The following SLC26A8 variants were observed in gnomAD, a reference collection of about 807,000 sequenced individuals.
The protein encoded by SLC26A8 is solute carrier family 26 member 8.
A neutral mutation model predicts 105.0 loss-of-function variants in SLC26A8; 70 were observed. The observed-to-expected ratio is 0.67, with a 90% CI of 0.55 to 0.81. The LOEUF is 0.81. SLC26A8 is among the 40% of genes least tolerant of loss of function. The probability of loss-of-function intolerance (pLI) is 0.00; values close to 1 mark genes in which losing one functional copy is unlikely to be tolerated. For missense variants in SLC26A8, 998 were observed against 1,181.8 expected (o/e 0.84, Z 2.28); for synonymous variants, 415 against 438.3 (o/e 0.95, Z 0.66).
intron 19 of SLC26A8, among the ~76,000 whole-genome samples, chr6:35,949,493 A>G (rs1421852923): frequency 6.6e-6 from 1 of 152,136 alleles, no homozygotes; most frequent in African/African-American, 2.4e-5. Context: ...TTCTATTTAC[A>G]TTAAAGAGTA....
chr6:35,944,197 C>CAA lies in SLC26A8; in HGVS notation c.2615_2616insTT (p.Gly873TrpfsTer5). ...CCCGATCCAGGTCTAGGTCCAGACCCAGCCCAGCCTCTTGTTCTGATTCCA... is the reference window on the plus strand; with the variant it reads ...CCCGATCCAGGTCTAGGTCCAGACCCAAAGCCCAGCCTCTTGTTCTGATTCCA... On this transcript the variant is annotated frameshift_variant, in exon 20 of 20. Coordinates refer to ENST00000490799, the MANE Select transcript of SLC26A8 (RefSeq NM_052961.4). LOFTEE classifies it high-confidence loss of function. 4 of 1,613,872 alleles carry CAA rather than the reference C, an allele frequency of 2.5e-6. No homozygotes were observed. Among genetic ancestry groups the CAA allele is most frequent in the Non-Finnish European group, 3.4e-6 (4 of 1,179,802 alleles).
intron 8 of SLC26A8, among the ~76,000 whole-genome samples, chr6:35,979,893 A>T (rs1426426397): frequency 6.6e-6 from 1 of 152,204 alleles, no homozygotes; most frequent in Non-Finnish European, 1.5e-5. Flanking sequence ...TTAAAATTAG[A>T]CTTCTGAAAT....
In SLC26A8 at chr6:35,951,371, C is replaced by T. The variant is rs373807474; in HGVS notation, c.2288-24G>A. The T allele has an allele frequency of 1.7e-5, 27 of 1,613,992 alleles. No individual in the cohort carries two copies. In the African/African-American group the frequency reaches 2.8e-4, roughly 17 times the overall value. ...AGCTAAAAACCAAACCCAGAACACA[C>T]ACAATGTCAGATACTTGGGGAGCAG... On this transcript the variant is annotated intron_variant, in intron 18 of 19. Transcript: ENST00000490799.
At chr6:35,958,012 TC>T (rs944737891) in intron 16 of SLC26A8, among the ~76,000 whole-genome samples, 110 of 152,288 alleles carry the variant, frequency 7.2e-4, no homozygotes, top group African/African-American at 2.5e-3. Flanking sequence ...TAAGCCTCTA[TC>T]CTAAGAGCCC....
At chr6:36,007,158 T>C (rs192841692) in intron 3 of SLC26A8, among the ~76,000 whole-genome samples, 99 of 137,554 alleles carry the variant, frequency 7.2e-4, no homozygotes, top group African/African-American at 2.3e-3. Flanking sequence ...TAAAAAGTCA[T>C]TAAGGCCATT....
At chr6:36,003,519 A>G (rs1392520570) in intron 3 of SLC26A8, among the ~76,000 whole-genome samples, 3 of 152,234 alleles carry the variant, frequency 2.0e-5, no homozygotes, top group African/African-American at 7.2e-5. Context: ...ATTAAAATAG[A>G]TTAATAGATG....
chr6:35,950,076 C>T (rs868615297), intron 19 of SLC26A8, among the ~76,000 whole-genome samples: 103 of 152,234 alleles, frequency 6.8e-4, no homozygotes, highest in African/African-American at 2.4e-3. Flanking sequence ...GGATTACAGG[C>T]GTGAGCCATC....
At chr6:35,956,738 G>A (rs1772084188) in intron 16 of SLC26A8, among the ~76,000 whole-genome samples, 1 of 152,088 alleles carries the variant, frequency 6.6e-6, no homozygotes, top group South Asian at 2.1e-4. Flanking sequence ...TGACCAACAT[G>A]GCGAAATTCC....
intron 3 of SLC26A8, among the ~76,000 whole-genome samples, chr6:36,007,348 CCAT>C (rs1259862644): frequency 1.3e-5 from 2 of 152,078 alleles, no homozygotes; most frequent in African/African-American, 4.8e-5. Context: ...GGAGACTGAA[CCAT>C]CATTTAAACC....
chr6:36,018,936 A>T (rs1003650562), intron 2 of SLC26A8, among the ~76,000 whole-genome samples: 1 of 151,562 alleles, frequency 6.6e-6, no homozygotes, highest in Non-Finnish European at 1.5e-5. Flanking sequence ...TTATTTATTT[A>T]TTTTTTTTGA....
intron 17 of SLC26A8, among the ~76,000 whole-genome samples, chr6:35,952,952 T>C (rs1771930758): frequency 7.0e-6 from 1 of 142,580 alleles, no homozygotes; most frequent in African/African-American, 2.6e-5. Context: ...AGGTGGAGAT[T>C]GCAGTGAGCC....
chr6:35,958,242 G>A (rs1581631135), intron 16 of SLC26A8, among the ~76,000 whole-genome samples: 1 of 152,178 alleles, frequency 6.6e-6, no homozygotes, highest in East Asian at 1.9e-4. Flanking sequence ...GCTCACGCCT[G>A]TAATCCCAGC....
At chr6:36,007,280 G>T (rs1341761329) in intron 3 of SLC26A8, among the ~76,000 whole-genome samples, 2 of 152,158 alleles carry the variant, frequency 1.3e-5, no homozygotes, top group Non-Finnish European at 2.9e-5. Flanking sequence ...GGAGTTTCAG[G>T]ATACAAGAAA....
rs1333644820 is a variant in SLC26A8, at chr6:35,955,297, C to A, written c.2087G>T (p.Gly696Val). The A allele has an allele frequency of 6.2e-7, 1 of 1,614,178 alleles. No individual in the cohort carries two copies. The highest frequency in any genetic ancestry group is 1.1e-5 in the South Asian group (1 of 91,080). ...PNNSSRNSSP[G>V]LPDVAESQGR... ...CTGGCTTTCCGCCACATCAGGCAGT[C>A]CTGGTGAGCTGTTTCTTGATGAGTT... The change falls in exon 17 of 20, where the codon GGA (glycine) becomes GTA (valine). Residue 696 changes from glycine to valine, a missense_variant. By Grantham distance (109) the Gly-to-Val change is moderately radical. Coordinates refer to ENST00000490799, the MANE Select transcript of SLC26A8 (RefSeq NM_052961.4).
At chr6:36,003,037 A>C (rs2127359990) in intron 3 of SLC26A8, among the ~76,000 whole-genome samples, 1 of 152,318 alleles carries the variant, frequency 6.6e-6, no homozygotes, top group Middle Eastern at 3.4e-3. Context: ...TTGAATAGAT[A>C]GAAGTTCTTA....
chr6:36,016,561 G>A (rs1762000594), intron 2 of SLC26A8, among the ~76,000 whole-genome samples: 1 of 152,070 alleles, frequency 6.6e-6, no homozygotes, highest in South Asian at 2.1e-4. Context: ...TTGAAATTAT[G>A]GTAGTTATTA....
intron 19 of SLC26A8, among the ~76,000 whole-genome samples, chr6:35,950,722 G>A (rs1372277619): frequency 1.3e-5 from 2 of 152,194 alleles, no homozygotes; most frequent in Non-Finnish European, 2.9e-5. Flanking sequence ...TTATAGATCT[G>A]AATCTCTGCT....
At chr6:35,977,178 A>T in intron 9 of SLC26A8, 26 bp downstream of exon 9, 4 of 1,602,202 alleles carry the variant, frequency 2.5e-6, no homozygotes, top group Non-Finnish European at 2.6e-6. Flanking sequence ...AGAGTTAAGG[A>T]TCAGAGGAAG....
intron 17 of SLC26A8, among the ~76,000 whole-genome samples, chr6:35,952,844 T>A (rs1771926554): frequency 6.6e-6 from 1 of 151,798 alleles, no homozygotes; most frequent in Admixed American, 6.6e-5. Flanking sequence ...TGAAACCCCG[T>A]CTCTACTAAA....
Sources: allele counts gnomAD v4.1 joint callset (sites outside exome capture counted in the v4.1 genomes callset), GRCh38; gene constraint gnomAD v4.1.1; transcripts MANE v1.5; gene names NCBI Gene and HGNC (gene_info 2026-07-23, HGNC 2026-07-21).